Variants in CNTNAP2 observed in about 807,000 individuals in gnomAD.
CNTNAP2 encodes contactin-associated protein-like 2.
In CNTNAP2, 98 loss-of-function variants were observed where a neutral mutation model predicts 155.2. The observed-to-expected ratio is 0.63, with a 90% CI of 0.54 to 0.75. CNTNAP2 has a LOEUF of 0.75. Ranked by LOEUF, CNTNAP2 falls within the 30% of genes least tolerant of loss-of-function variation. The pLI, the probability that CNTNAP2 is intolerant of heterozygous loss-of-function variation, is 0.00. For missense variants in CNTNAP2, 1,727 were observed against 1,688.1 expected (o/e 1.02, Z -0.40); for synonymous variants, 651 against 631.2 (o/e 1.03, Z -0.47).
chr7:146,832,376 A>G (rs1803530006), intron 2 of CNTNAP2, among the ~76,000 whole-genome samples: 1 of 151,534 alleles, frequency 6.6e-6, no homozygotes, highest in African/African-American at 2.4e-5. Context: ...CTTCTCTTAG[A>G]CTTACCCTAG....
intron 21 of CNTNAP2, among the ~76,000 whole-genome samples, chr7:148,364,136 G>A (rs368875637): frequency 0.01 from 1,553 of 152,244 alleles, 27 homozygotes; most frequent in African/African-American, 0.035. Flanking sequence ...CCCGACGAGC[G>A]CCACCCCCTG....
At chr7:148,043,472 A>G (rs1277351399) in intron 15 of CNTNAP2, among the ~76,000 whole-genome samples, 1 of 152,226 alleles carries the variant, frequency 6.6e-6, no homozygotes, top group African/African-American at 2.4e-5. Flanking sequence ...TGTCAAGCTA[A>G]GGCTTTAATT....
chr7:146,374,869 G>A (rs1445674354), intron 1 of CNTNAP2, among the ~76,000 whole-genome samples: 1 of 152,062 alleles, frequency 6.6e-6, no homozygotes, highest in African/African-American at 2.4e-5. Flanking sequence ...AAGTGAATGT[G>A]CAACTACAGA....
chr7:148,093,627 A>G (rs904405079), intron 15 of CNTNAP2, among the ~76,000 whole-genome samples: 15 of 152,212 alleles, frequency 9.9e-5, no homozygotes, highest in African/African-American at 3.4e-4. Flanking sequence ...AGACATCACA[A>G]TGACAAATTC....
chr7:147,950,789 C>A (rs1272717118), intron 14 of CNTNAP2, among the ~76,000 whole-genome samples: 1 of 152,214 alleles, frequency 6.6e-6, no homozygotes, highest in African/African-American at 2.4e-5. Flanking sequence ...GGAGATAAAT[C>A]TCCAGGGGAA....
At chr7:148,153,573 C>T (rs1357190321) in intron 17 of CNTNAP2, among the ~76,000 whole-genome samples, 3 of 152,112 alleles carry the variant, frequency 2.0e-5, no homozygotes, top group African/African-American at 4.8e-5. Context: ...CCCAGGTGTT[C>T]GGACCTGGGC....
At chr7:146,312,484 A>G (rs1800841621) in intron 1 of CNTNAP2, among the ~76,000 whole-genome samples, 1 of 152,196 alleles carries the variant, frequency 6.6e-6, no homozygotes, top group South Asian at 2.1e-4. Flanking sequence ...ATATCTGTAC[A>G]ATGTGACATT....
chr7:147,700,393 C>A (rs377019279), intron 13 of CNTNAP2, among the ~76,000 whole-genome samples: 2 of 152,126 alleles, frequency 1.3e-5, no homozygotes, highest in African/African-American at 4.8e-5. Flanking sequence ...GACCCAGGTG[C>A]GTGTAACTGC....
intron 3 of CNTNAP2, among the ~76,000 whole-genome samples, chr7:146,898,519 A>C (rs567288919): frequency 2.5e-4 from 38 of 151,612 alleles, no homozygotes; most frequent in Non-Finnish European, 3.4e-4. Flanking sequence ...AAAAAAAAAA[A>C]CTCTTCTTAC....
At chr7:146,780,685 T>C (rs535155790) in intron 2 of CNTNAP2, among the ~76,000 whole-genome samples, 1 of 152,136 alleles carries the variant, frequency 6.6e-6, no homozygotes, top group Admixed American at 6.5e-5. Flanking sequence ...CGGAACACTA[T>C]GCAGCTATAG....
intron 20 of CNTNAP2, among the ~76,000 whole-genome samples, chr7:148,230,526 A>G (rs1795942708): frequency 6.6e-6 from 1 of 152,162 alleles, no homozygotes; most frequent in African/African-American, 2.4e-5. Context: ...CAGCAGGAGG[A>G]TGCTGTTTTG....
chr7:147,059,508 C>T (rs1338731574), intron 4 of CNTNAP2, among the ~76,000 whole-genome samples: 1 of 150,760 alleles, frequency 6.6e-6, no homozygotes, highest in Admixed American at 6.6e-5. Context: ...AATGGGTTCA[C>T]CTTACAAAAT....
intron 9 of CNTNAP2, among the ~76,000 whole-genome samples, chr7:147,391,879 G>C (rs534725392): frequency 6.6e-6 from 1 of 151,396 alleles, no homozygotes; most frequent in Admixed American, 6.6e-5. Flanking sequence ...ACCATCTGGA[G>C]AGATTGGAAT....
chr7:146,633,693 A>G (rs1399157111), intron 1 of CNTNAP2, among the ~76,000 whole-genome samples: 1 of 151,832 alleles, frequency 6.6e-6, no homozygotes, highest in Non-Finnish European at 1.5e-5. Flanking sequence ...GCCGGGCATG[A>G]TGGTGGGCGC....
At chr7:147,254,507 T>A (rs1187327660) in intron 8 of CNTNAP2, among the ~76,000 whole-genome samples, 1 of 152,168 alleles carries the variant, frequency 6.6e-6, no homozygotes, top group Non-Finnish European at 1.5e-5. Flanking sequence ...ACAAACTTTT[T>A]TGGTTGATTT....
At chr7:147,548,759 A>C (rs1799792150) in intron 11 of CNTNAP2, among the ~76,000 whole-genome samples, 1 of 152,178 alleles carries the variant, frequency 6.6e-6, no homozygotes, top group Admixed American at 6.5e-5. Context: ...TTAAGTCTTT[A>C]GTCCATCTTG....
chr7:146,597,413 A>T (rs1419062609), intron 1 of CNTNAP2, among the ~76,000 whole-genome samples: 2 of 152,120 alleles, frequency 1.3e-5, no homozygotes, highest in African/African-American at 2.4e-5. Flanking sequence ...TTTTAAAAAA[A>T]TGAATACATT....
At chr7:147,102,898 T>G (rs1341979557) in intron 4 of CNTNAP2, among the ~76,000 whole-genome samples, 1 of 152,124 alleles carries the variant, frequency 6.6e-6, no homozygotes. Flanking sequence ...CAATTTAAAA[T>G]AATGGAATAC....
intron 9 of CNTNAP2, among the ~76,000 whole-genome samples, chr7:147,301,374 G>A (rs961392276): frequency 2.6e-5 from 4 of 152,092 alleles, no homozygotes; most frequent in African/African-American, 9.7e-5. Flanking sequence ...TGGGTACTTT[G>A]TTTAGATCAA....
Sources: allele counts gnomAD v4.1 joint callset (sites outside exome capture counted in the v4.1 genomes callset), GRCh38; gene constraint gnomAD v4.1.1; transcripts MANE v1.5; gene names NCBI Gene and HGNC (gene_info 2026-07-23, HGNC 2026-07-21).